BEAN1: variants seen among roughly 807,000 people sequenced by gnomAD.
BEAN1 encodes the protein brain expressed associated with NEDD4 1, also known as protein BEAN1.
BEAN1 carries 17 observed loss-of-function variants against 17.7 expected under a neutral mutation model. The observed-to-expected ratio is 0.96, with a 90% CI of 0.66 to 1.44. The LOEUF is 1.44. Ranked by LOEUF, BEAN1 falls within the 40% of genes most tolerant of loss-of-function variation. The pLI is 0.00. For synonymous variants in BEAN1, 142 were observed against 151.8 expected (o/e 0.94, Z 0.47); for missense variants, 359 against 374.1 (o/e 0.96, Z 0.33).
intron 2 of BEAN1, among the ~76,000 whole-genome samples, chr16:66,461,115 A>T (rs1567496960): frequency 6.6e-6 from 1 of 150,876 alleles, no homozygotes; most frequent in Non-Finnish European, 1.5e-5. Context: ...ACTGCTTGGG[A>T]AGAAAGTCCA....
At chr16:66,447,112 A>T (rs1962485910) in intron 2 of BEAN1, among the ~76,000 whole-genome samples, 1 of 152,176 alleles carries the variant, frequency 6.6e-6, no homozygotes, top group Non-Finnish European at 1.5e-5. Flanking sequence ...TCTACAAAAA[A>T]TTTAAAGATT....
chr16:66,492,840 C>T (rs935510166), intron 4 of BEAN1: 5 of 609,510 alleles, frequency 8.2e-6, no homozygotes, highest in African/African-American at 5.6e-5. Context: ...CCCTCATCCA[C>T]GTGCTTCTCA....
At chr16:66,478,034 G>T (rs975285606) in intron 4 of BEAN1, 1 of 218,628 alleles carries the variant, frequency 4.6e-6, no homozygotes, top group South Asian at 1.2e-4. Flanking sequence ...CTGGGGATCT[G>T]CTCCTCCGGG....
At chr16:66,477,734 G>A in intron 4 of BEAN1, 24 bp downstream of exon 4, 3 of 1,521,620 alleles carry the variant, frequency 2.0e-6, no homozygotes, top group Non-Finnish European at 2.6e-6. Context: ...ATGGGGAAGG[G>A]GGCATCAGAG....
At chr16:66,443,188 TGGAG>T (rs1962324565) in intron 2 of BEAN1, among the ~76,000 whole-genome samples, 1 of 152,214 alleles carries the variant, frequency 6.6e-6, no homozygotes, top group Non-Finnish European at 1.5e-5. Context: ...AGCAAGGGGA[TGGAG>T]GGAGTGACTT....
rs1964011956 is a variant in BEAN1 at position 66,482,354 on chromosome 16, C to A, written c.*1429C>A. On this transcript the variant is annotated 3_prime_UTR_variant, in exon 5 of 5. Transcript: ENST00000536005. ...AAGGGCTAAGACTATTTAGTAATCT[C>A]TTTCTTAAGCAGAGGAGTGGCAAGG... The A allele has an allele frequency of 6.4e-6, 1 of 157,288 alleles. No homozygotes were observed. Among genetic ancestry groups the A allele is most frequent in the African/African-American group, 2.4e-5 (1 of 41,478 alleles). 9.7% of individuals were successfully genotyped at this position (157,288 alleles called of 1,614,324 possible).
chr16:66,463,611 G>A (rs1369515709), intron 2 of BEAN1, among the ~76,000 whole-genome samples: 1 of 152,112 alleles, frequency 6.6e-6, no homozygotes, highest in Non-Finnish European at 1.5e-5. Context: ...TTTCTTGAAG[G>A]TGTCCTTTGC....
intron 2 of BEAN1, among the ~76,000 whole-genome samples, chr16:66,449,878 C>T (rs1485773906): frequency 6.6e-6 from 1 of 152,190 alleles, no homozygotes; most frequent in Non-Finnish European, 1.5e-5. Flanking sequence ...TACTAGTGTG[C>T]TGGCGTGTCT....
Position 66,481,040 on chromosome 16 carries a change from G to A in BEAN1, c.*115G>A. 1 of 820,046 alleles carries A rather than the reference G, an allele frequency of 1.2e-6. No homozygotes were observed. Among genetic ancestry groups the A allele is most frequent in the Admixed American group, 3.5e-5 (1 of 28,282 alleles). The allele number at this position is 820,046 out of a possible 1,614,324, so 50.8% of individuals were successfully genotyped here. A position where few individuals can be genotyped will look rare whatever the true frequency, so the allele number is the denominator to read the frequency against. The stretch of plus-strand genomic sequence containing the variant: ...ACACGTGACTCATAACACACACATA[G>A]ACCAAACTTGTATACACACAGACAT... On this transcript the variant is annotated 3_prime_UTR_variant, in exon 5 of 5. Coordinates refer to ENST00000536005, the MANE Select transcript of BEAN1 (RefSeq NM_001178020.3). The surrounding 1 kb of genome is among the most constrained non-coding windows in gnomAD (Gnocchi z 4.1).
At chr16:66,433,399 A>T (rs1961882703) in intron 1 of BEAN1, among the ~76,000 whole-genome samples, 1 of 152,208 alleles carries the variant, frequency 6.6e-6, no homozygotes. Flanking sequence ...GGCGTGAGCC[A>T]CTGCACTCAG....
At chr16:66,444,674 T>G (rs1246021533) in intron 2 of BEAN1, among the ~76,000 whole-genome samples, 1 of 152,140 alleles carries the variant, frequency 6.6e-6, no homozygotes, top group Non-Finnish European at 1.5e-5. Flanking sequence ...AGTTTGAATC[T>G]TGCTCACATC....
Position 66,469,724 on chromosome 16 carries a change from T to C in BEAN1, c.148T>C (p.Ser50Pro). ...CGTCATAGGTGTGGTCATCATCCTC[T>C]CCTGCATCACCATCATTGTGGGCAG... ...SAVIGVVIIL[S>P]CITIIVGSIR... is the part of the protein sequence containing the mutation. The change falls in exon 3 of 5, where the codon TCC (serine) becomes CCC (proline). Residue 50 changes from serine (S) to proline (P), a missense_variant. By Grantham distance (74) the Ser-to-Pro change is moderately conservative. Coordinates refer to ENST00000536005, the MANE Select transcript of BEAN1 (RefSeq NM_001178020.3). 3.3e-6 allele frequency: 5 copies of C among 1,536,100 alleles called. No homozygotes were observed. The highest frequency in any genetic ancestry group is 4.4e-6 in the Non-Finnish European group (5 of 1,146,896).
At chr16:66,453,342 TACAC>T (rs34867737) in intron 2 of BEAN1, among the ~76,000 whole-genome samples, 126 of 147,714 alleles carry the variant, frequency 8.5e-4, no homozygotes, top group East Asian at 7.4e-3. Flanking sequence ...CATTCTGTTA[TACAC>T]ACACACACAC....
intron 3 of BEAN1, among the ~76,000 whole-genome samples, chr16:66,476,033 C>G (rs542085895): frequency 6.6e-6 from 1 of 151,774 alleles, no homozygotes; most frequent in East Asian, 1.9e-4. Context: ...TGGCGTGGAC[C>G]CCGGAGGCGG....
intron 2 of BEAN1, among the ~76,000 whole-genome samples, chr16:66,465,241 G>A (rs965493890): frequency 4.6e-5 from 7 of 152,054 alleles, no homozygotes; most frequent in East Asian, 1.9e-4. Context: ...GGGATAAATC[G>A]TATCTAGTCC....
At chr16:66,428,693 C>A (rs1961676419) in intron 1 of BEAN1, among the ~76,000 whole-genome samples, 1 of 152,070 alleles carries the variant, frequency 6.6e-6, no homozygotes, top group African/African-American at 2.4e-5. Context: ...TAGCCTGGTG[C>A]CTGGCACGCA....
At chr16:66,467,431 C>G (rs1157396224) in intron 2 of BEAN1, among the ~76,000 whole-genome samples, 1 of 152,116 alleles carries the variant, frequency 6.6e-6, no homozygotes, top group Non-Finnish European at 1.5e-5. Context: ...TGAGTACAAG[C>G]AGGGGAAATG....
intron 2 of BEAN1, among the ~76,000 whole-genome samples, chr16:66,463,400 G>A (rs1963153650): frequency 6.6e-6 from 1 of 152,188 alleles, no homozygotes; most frequent in African/African-American, 2.4e-5. Context: ...GGTTAATGAT[G>A]TTGGGCAACT....
chr16:66,445,688 G>T (rs778018072), intron 2 of BEAN1, among the ~76,000 whole-genome samples: 6 of 152,024 alleles, frequency 3.9e-5, no homozygotes, highest in African/African-American at 1.2e-4. Flanking sequence ...TGAAGGCCAG[G>T]GTGCCTGAAG....
Sources: gnomAD v4.1 joint callset for allele counts (sites outside exome capture counted in the v4.1 genomes callset) on GRCh38, gnomAD v4.1.1 for gene constraint, Gnocchi (gnomAD v3.1) non-coding constraint, MANE v1.5 for transcripts, NCBI Gene and HGNC (gene_info 2026-07-23, HGNC 2026-07-21) for gene names.